RSPO2: variants seen among roughly 807,000 people sequenced by gnomAD.
The protein encoded by RSPO2 is R-spondin-2.
RSPO2 carries 14 observed loss-of-function variants against 30.9 expected under a neutral mutation model. That is an observed-to-expected ratio of 0.45 (90% CI 0.30 to 0.71). The LOEUF (loss-of-function observed/expected upper bound fraction) is 0.71, where lower values mean the gene tolerates loss of function less well. Among genes scored for constraint, RSPO2 ranks in the 30% least tolerant of loss-of-function variants. RSPO2 has a pLI of 0.08. For missense variants in RSPO2, 264 were observed against 301.9 expected (o/e 0.87, Z 0.93); for synonymous variants, 107 against 96.4 (o/e 1.11, Z -0.64).
chr8:107,956,305 A>G (rs772205517), intron 5 of RSPO2, among the ~76,000 whole-genome samples: 2 of 152,226 alleles, frequency 1.3e-5, no homozygotes, highest in Non-Finnish European at 2.9e-5. Context: ...TGTAGACACA[A>G]GAATTAGAGC....
At chr8:108,055,864 T>A (rs1366715257) in intron 2 of RSPO2, among the ~76,000 whole-genome samples, 2 of 152,104 alleles carry the variant, frequency 1.3e-5, no homozygotes, top group Non-Finnish European at 2.9e-5. Flanking sequence ...TAGTACAATA[T>A]CCTGGAGAAC....
At chr8:107,951,050 T>TTTG (rs748285222) in intron 5 of RSPO2, among the ~76,000 whole-genome samples, 23 of 69,798 alleles carry the variant, frequency 3.3e-4, no homozygotes, top group Admixed American at 6.6e-4. Context: ...TAAGTTTTTT[T>TTTG]TTGTTGTTGT....
In RSPO2 at chr8:108,003,671, A is replaced by C. The variant is rs574518116; in HGVS notation, c.95-14427T>G. The stretch of plus-strand genomic sequence containing the variant: ...AAACAGCAAAGTCAAAATAAGGGTT[A>C]AAAAGAAAAAAAATTAACCCCGGGG... On this transcript the variant is annotated intron_variant, in intron 2 of 5. Transcript: ENST00000276659. Among the ~76,000 whole-genome samples, 3 of 152,250 alleles carry C rather than the reference A, an allele frequency of 2.0e-5. No individual in the cohort carries two copies. In the East Asian group the frequency reaches 5.8e-4, roughly 29 times the overall value.
intron 5 of RSPO2, among the ~76,000 whole-genome samples, chr8:107,927,834 T>C (rs1020965274): frequency 1.3e-5 from 2 of 152,130 alleles, no homozygotes; most frequent in Non-Finnish European, 2.9e-5. Flanking sequence ...TCGATGTTCA[T>C]CAGAGGCCAG....
intron 3 of RSPO2, 121 bp from the exon 4 acceptor site, chr8:107,960,938 A>C: frequency 1.4e-6 from 1 of 705,656 alleles, no homozygotes; most frequent in Non-Finnish European, 2.3e-6. Flanking sequence ...TCAGAGAAAT[A>C]TTGTTTAACT....
intron 2 of RSPO2, among the ~76,000 whole-genome samples, chr8:108,015,121 G>A (rs138188664): frequency 1.3e-5 from 2 of 152,168 alleles, no homozygotes; most frequent in African/African-American, 4.8e-5. Flanking sequence ...CATAATAGAA[G>A]CAGCATAAGT....
intron 2 of RSPO2, among the ~76,000 whole-genome samples, chr8:108,022,001 T>G (rs888128782): frequency 2.0e-5 from 3 of 152,144 alleles, no homozygotes; most frequent in African/African-American, 7.2e-5. Flanking sequence ...AGAGAGGAAC[T>G]GCCATCCATG....
chr8:107,936,771 A>G (rs995078340), intron 5 of RSPO2, among the ~76,000 whole-genome samples: 3 of 152,008 alleles, frequency 2.0e-5, no homozygotes, highest in African/African-American at 7.3e-5. Context: ...TAATGTTGGT[A>G]TTTTTTCATA....
intron 2 of RSPO2, among the ~76,000 whole-genome samples, chr8:108,069,887 G>C (rs1205334311): frequency 6.6e-6 from 1 of 152,096 alleles, no homozygotes; most frequent in Non-Finnish European, 1.5e-5. Flanking sequence ...GCCCTCATAG[G>C]TGTGCCAGAT....
chr8:108,047,959 C>G (rs1476977737), intron 2 of RSPO2, among the ~76,000 whole-genome samples: 1 of 151,690 alleles, frequency 6.6e-6, no homozygotes, highest in Non-Finnish European at 1.5e-5. Flanking sequence ...AATAATTTTT[C>G]TCTATTCTTT....
intron 3 of RSPO2, among the ~76,000 whole-genome samples, chr8:107,962,339 T>C (rs564587087): frequency 6.6e-6 from 1 of 152,314 alleles, no homozygotes; most frequent in Non-Finnish European, 1.5e-5. Flanking sequence ...TCTAGACCTA[T>C]TAAAAATGCC....
rs11292252 is a variant in RSPO2 at position 107,909,259 on chromosome 8, G to GTTT, written c.617-8072_617-8070dup. On this transcript the variant is annotated intron_variant, in intron 5 of 5. Transcript: ENST00000276659. ...TATTCTCTCATATACTTTCCCAGTT[G>GTTT]TTTTTTTTTTTTTTTTTTTTTGAGA... is the stretch of plus-strand genomic sequence containing the variant. Among the ~76,000 whole-genome samples, 92 of 91,554 alleles carry GTTT rather than the reference G, an allele frequency of 1.0e-3. 3 individuals are homozygous for GTTT. The highest frequency in any genetic ancestry group is 0.01 in the South Asian group (28 of 2,800). The allele number at this position is 91,554 out of a possible 152,430, so 60.1% of individuals were successfully genotyped here.
chr8:108,006,257 C>G (rs1815448042), intron 2 of RSPO2, among the ~76,000 whole-genome samples: 1 of 152,032 alleles, frequency 6.6e-6, no homozygotes, highest in Non-Finnish European at 1.5e-5. Context: ...AGGAAGTTCT[C>G]TGATGAATTC....
At chr8:107,906,695 A>G (rs186627066) in intron 5 of RSPO2, among the ~76,000 whole-genome samples, 4 of 152,110 alleles carry the variant, frequency 2.6e-5, no homozygotes, top group Middle Eastern at 3.4e-3. Flanking sequence ...AAATATGATG[A>G]GCAGGACTGG....
At chr8:108,005,597 G>T (rs955677190) in intron 2 of RSPO2, among the ~76,000 whole-genome samples, 6 of 152,058 alleles carry the variant, frequency 3.9e-5, no homozygotes, top group Admixed American at 3.9e-4. Context: ...ATGGGCTATA[G>T]GCTGTTACTG....
intron 3 of RSPO2, among the ~76,000 whole-genome samples, chr8:107,982,299 C>T (rs150695879): frequency 1.4e-4 from 22 of 151,900 alleles, no homozygotes; most frequent in African/African-American, 5.1e-4. Context: ...CTCCTTTTTC[C>T]TTAATTTCAG....
chr8:108,082,567 G>A lies in RSPO2; in HGVS notation c.72C>T (p.Asn24=). 6.2e-7 allele frequency: 1 copy of A among 1,614,122 alleles called. No homozygotes were observed. The highest frequency in any genetic ancestry group is 1.3e-5 in the African/African-American group (1 of 75,080). ...CACCTCGCTTACTGCGTCTCCATCG[G>A]TTGCCTTGGCAGTGGCTGTAATCCA... ...NCMDYSHCQG[N]RWRRSKRASY... is the part of the protein sequence containing the mutation. Residue 24 remains asparagine (N), a synonymous_variant, in exon 2 of 6, where the codon AAC becomes AAT. Transcript: ENST00000276659.
intron 5 of RSPO2, among the ~76,000 whole-genome samples, chr8:107,939,177 GTTA>G (rs1812809929): frequency 1.3e-5 from 2 of 151,656 alleles, no homozygotes; most frequent in South Asian, 4.2e-4. Flanking sequence ...TTTCCTTCCA[GTTA>G]TTATTGAGTC....
At chr8:108,079,741 A>C (rs1001480027) in intron 2 of RSPO2, among the ~76,000 whole-genome samples, 7 of 152,032 alleles carry the variant, frequency 4.6e-5, no homozygotes, top group Non-Finnish European at 1.0e-4. Context: ...AAGCCTAACC[A>C]ATCCTGGTAC....
Sources: allele counts gnomAD v4.1 joint callset (sites outside exome capture counted in the v4.1 genomes callset), GRCh38; gene constraint gnomAD v4.1.1; transcripts MANE v1.5; gene names NCBI Gene and HGNC (gene_info 2026-07-23, HGNC 2026-07-21).